MAPK8IP1: variants seen among roughly 807,000 people sequenced by gnomAD.
MAPK8IP1 encodes mitogen-activated protein kinase 8 interacting protein 1, also known as C-Jun-amino-terminal kinase-interacting protein 1.
In MAPK8IP1, 17 loss-of-function variants were observed where a neutral mutation model predicts 72.6. That is an observed-to-expected ratio of 0.23 (90% CI 0.16 to 0.35). MAPK8IP1 has a LOEUF of 0.35. MAPK8IP1 is among the 10% of genes least tolerant of loss of function. The pLI is 1.00. For synonymous variants in MAPK8IP1, 401 were observed against 443.4 expected, an observed-to-expected ratio of 0.90 and a Z score of 1.20; for missense variants, 789 against 1,009.7, an observed-to-expected ratio of 0.78 and a Z score of 2.96.
Position 45,885,872 on chromosome 11 carries a change from G to A in MAPK8IP1, c.52G>A (p.Ala18Thr). ...GLGGGAASPP[A>T]ASPFLGLHIA... is the part of the protein sequence containing the mutation. ...GGGAGGGGGGGCCGCGTCCCCGCCC[G>A]CCGCCTCCCCGTTCCTGGGGCTGCA... Residue 18 changes from alanine to threonine, a missense_variant, in exon 1 of 12, where the codon GCC (alanine) becomes ACC (threonine). This residue lies in a region of MAPK8IP1 where 112 missense variants were observed against 111.8 expected (regional missense o/e 1.00). Coordinates refer to ENST00000241014, the MANE Select transcript of MAPK8IP1 (RefSeq NM_005456.4). 1.4e-6 allele frequency: 2 copies of A among 1,456,656 alleles called. No homozygotes were observed. Among genetic ancestry groups the A allele is most frequent in the Admixed American group, 2.5e-5 (1 of 40,128 alleles). 90.2% of individuals were successfully genotyped at this position (1,456,656 alleles called of 1,614,324 possible).
rs780739097 is a variant in MAPK8IP1, at chr11:45,904,885, C to T, written c.1893+51C>T. The T allele has an allele frequency of 6.8e-6, 11 of 1,607,462 alleles. No homozygotes were observed. The highest frequency in any genetic ancestry group is 2.7e-5 in the African/African-American group (2 of 74,880). On this transcript the variant is annotated intron_variant, in intron 9 of 11. Coordinates refer to ENST00000241014, the MANE Select transcript of MAPK8IP1 (RefSeq NM_005456.4). The surrounding 1 kb of genome is among the most constrained non-coding windows in gnomAD (Gnocchi z 6.4). ...CCTTCCATGGCCCCAAGCTCTCCCCCAAGACTTGTGATGAAGAGGCCATCT... is the reference window on the plus strand; with the variant it reads ...CCTTCCATGGCCCCAAGCTCTCCCCTAAGACTTGTGATGAAGAGGCCATCT...
Position 45,902,686 on chromosome 11 carries a change from A to G in MAPK8IP1, c.919A>G (p.Met307Val). The change falls in exon 5 of 12, where the codon ATG becomes GTG. Residue 307 changes from methionine to valine, a missense_variant. Met to Val is a conservative substitution (Grantham distance 21, BLOSUM62 1). Transcript: ENST00000241014. The surrounding 1 kb of genome is among the most constrained non-coding windows in gnomAD (Gnocchi z 9.3). ...SAFLPPTESR[M>V]SVSSDPDPAA... ...CTTCCTGCCGCCCACTGAGAGCCGG[A>G]TGTCAGTCAGCTCCGATCCAGACCC... 2 of 1,611,222 alleles carry G rather than the reference A, an allele frequency of 1.2e-6. No homozygotes were observed. Among genetic ancestry groups the G allele is most frequent in the Non-Finnish European group, 1.7e-6 (2 of 1,179,878 alleles).
At position 45,902,755 on chromosome 11, in the gene MAPK8IP1, A is replaced by G. The variant is rs2086666448; in HGVS notation, c.988A>G (p.Ser330Gly). The part of the protein sequence containing the change: ...STAGRPHPSI[S>G]EEEEGFDCLS... Reference sequence around the variant, plus strand: ...GGCAGGGCGGCCGCACCCCTCCATCAGTGAAGAGGAAGAGGGCTTCGACTG... The same window carrying G: ...GGCAGGGCGGCCGCACCCCTCCATCGGTGAAGAGGAAGAGGGCTTCGACTG... Residue 330 changes from serine to glycine, a missense_variant, in exon 5 of 12, where the codon AGT (serine) becomes GGT (glycine). This residue lies in a region of MAPK8IP1 where 377 missense variants were observed against 411.7 expected (regional missense o/e 0.92). Coordinates refer to ENST00000241014, the MANE Select transcript of MAPK8IP1 (RefSeq NM_005456.4). The surrounding 1 kb of genome is among the most constrained non-coding windows in gnomAD (Gnocchi z 9.3). 1 of 1,602,866 alleles carries G rather than the reference A, an allele frequency of 6.2e-7. No homozygotes were observed. Among genetic ancestry groups the G allele is most frequent in the South Asian group, 1.1e-5 (1 of 90,534 alleles).
Position 45,904,270 on chromosome 11 carries a change from G to A in MAPK8IP1, c.1666+109G>A. 1.5e-6 allele frequency: 2 copies of A among 1,346,530 alleles called. No homozygotes were observed. The highest frequency in any genetic ancestry group is 2.1e-6 in the Non-Finnish European group (2 of 960,462). 83.4% of individuals were successfully genotyped at this position (1,346,530 alleles called of 1,614,324 possible). A position where few individuals can be genotyped will look rare whatever the true frequency, so the allele number is the denominator to read the frequency against. On this transcript the variant is annotated intron_variant, in intron 7 of 11. Coordinates refer to ENST00000241014, the MANE Select transcript of MAPK8IP1 (RefSeq NM_005456.4). This position sits in a 1 kb window ranked among gnomAD's most constrained non-coding sequence, Gnocchi z 6.4. ...CTCAGCCAGCCAGGTGGGGGGCTGA[G>A]TGGAAGTGATTTTAGGTCCTTTTCA...
chr11:45,897,201 C>T (rs187603382), intron 1 of MAPK8IP1, among the ~76,000 whole-genome samples: 101 of 151,952 alleles, frequency 6.6e-4, no homozygotes, highest in African/African-American at 2.4e-3. Context: ...TCTACCCCCC[C>T]ACCACCCCCC....
chr11:45,888,345 A>G (rs993374278), intron 1 of MAPK8IP1, among the ~76,000 whole-genome samples: 2 of 152,168 alleles, frequency 1.3e-5, no homozygotes, highest in East Asian at 1.9e-4. Context: ...AGAGTTTCCT[A>G]TGTGCAAGAG....
chr11:45,895,633 AATATAT>A (rs71038870), intron 1 of MAPK8IP1, among the ~76,000 whole-genome samples: 884 of 42,428 alleles, frequency 0.021, 34 homozygotes, highest in Middle Eastern at 0.083. Context: ...AAAAAAAAAA[AATATAT>A]ATATATATAT....
rs2086708988 is a variant in MAPK8IP1 at position 45,906,270 on chromosome 11, G to A, written c.*549G>A. On this transcript the variant is annotated 3_prime_UTR_variant, in exon 12 of 12. Transcript: ENST00000241014. ...CTGTTCTCAGCTCCGTCATCTGCGGGGCTTCTGGGTGGCTCCTGCCACTGA... is the reference window on the plus strand; with the variant it reads ...CTGTTCTCAGCTCCGTCATCTGCGGAGCTTCTGGGTGGCTCCTGCCACTGA... The A allele has an allele frequency of 2.8e-6, 1 of 351,918 alleles. No individual in the cohort carries two copies. The highest frequency in any genetic ancestry group is 2.1e-5 in the African/African-American group (1 of 47,834). 21.8% of individuals were successfully genotyped at this position (351,918 alleles called of 1,614,324 possible). A position where few individuals can be genotyped will look rare whatever the true frequency, so the allele number is the denominator to read the frequency against.
chr11:45,895,994 G>A (rs2086602418), intron 1 of MAPK8IP1, among the ~76,000 whole-genome samples: 2 of 152,164 alleles, frequency 1.3e-5, no homozygotes, highest in Admixed American at 6.5e-5. Context: ...CAGGTCAGAC[G>A]TGACCCTACA....
At chr11:45,893,547 G>A (rs2086581867) in intron 1 of MAPK8IP1, among the ~76,000 whole-genome samples, 1 of 152,192 alleles carries the variant, frequency 6.6e-6, no homozygotes, top group African/African-American at 2.4e-5. Flanking sequence ...GCCACCAAAC[G>A]TTAATATGGA....
rs548226200 is a variant in MAPK8IP1, at chr11:45,888,755, A to G, written c.101+2834A>G. On this transcript the variant is annotated intron_variant, in intron 1 of 11. Transcript: ENST00000241014. ...TCGCCCAGGCTGGAGGTTGGAGTGCAGTGGCATGATCTAAGCTCACTGCAA... is the reference window on the plus strand; with the variant it reads ...TCGCCCAGGCTGGAGGTTGGAGTGCGGTGGCATGATCTAAGCTCACTGCAA... 4.6e-5 allele frequency among the ~76,000 whole-genome samples: 7 copies of G among 151,896 alleles called. No individual in the cohort carries two copies. In the South Asian group the frequency reaches 1.5e-3, roughly 32 times the overall value.
chr11:45,893,127 A>G (rs1268022755), intron 1 of MAPK8IP1, among the ~76,000 whole-genome samples: 1 of 152,226 alleles, frequency 6.6e-6, no homozygotes, highest in African/African-American at 2.4e-5. Context: ...CAAGAATGAC[A>G]TCTGAACAGC....
At position 45,902,911 on chromosome 11, in the gene MAPK8IP1, A is replaced by G; in HGVS notation, c.1144A>G (p.Thr382Ala). ...CCTGTCCTATGACTCTGTCAAGTAC[A>G]CGCTGGTGGTAGATGAGCATGCACA... ...SALSYDSVKY[T>A]LVVDEHAQLE... The change falls in exon 5 of 12, where the codon ACG becomes GCG. Residue 382 changes from threonine (T) to alanine (A), a missense_variant. Thr to Ala is a moderately conservative substitution (Grantham distance 58). Around this residue, in one of 4 missense-constraint regions of MAPK8IP1, gnomAD observed 377 missense variants for 411.7 expected, o/e 0.92. Transcript: ENST00000241014. This position sits in a 1 kb window ranked among gnomAD's most constrained non-coding sequence, Gnocchi z 9.3. 1 of 1,609,494 alleles carries G rather than the reference A, an allele frequency of 6.2e-7. No individual in the cohort carries two copies. Among genetic ancestry groups the G allele is most frequent in the Non-Finnish European group, 8.5e-7 (1 of 1,178,450 alleles).
Position 45,904,577 on chromosome 11 carries a change from T to C in MAPK8IP1, c.1776+13T>C. 6.2e-7 allele frequency: 1 copy of C among 1,611,926 alleles called. No homozygotes were observed. Among genetic ancestry groups the C allele is most frequent in the Non-Finnish European group, 8.5e-7 (1 of 1,178,068 alleles). ...TGCTATGCAAAAGGTACCTGAGCCCTCTCCCTTCTCCTCCCTTGGATGGGT... is the reference window on the plus strand; with the variant it reads ...TGCTATGCAAAAGGTACCTGAGCCCCCTCCCTTCTCCTCCCTTGGATGGGT... On this transcript the variant is annotated intron_variant, in intron 8 of 11. Transcript: ENST00000241014. This position sits in a 1 kb window ranked among gnomAD's most constrained non-coding sequence, Gnocchi z 6.4.
At position 45,903,176 on chromosome 11, in the gene MAPK8IP1, G is replaced by T; in HGVS notation, c.1409G>T (p.Arg470Leu). 1 of 1,600,938 alleles carries T rather than the reference G, an allele frequency of 6.2e-7. No homozygotes were observed. Among genetic ancestry groups the T allele is most frequent in the Non-Finnish European group, 8.5e-7 (1 of 1,174,426 alleles). The change falls in exon 5 of 12, where the codon CGC becomes CTC. Residue 470 changes from arginine to leucine, a missense_variant. This residue lies in a region of MAPK8IP1 where 377 missense variants were observed against 411.7 expected (regional missense o/e 0.92). Coordinates refer to ENST00000241014, the MANE Select transcript of MAPK8IP1 (RefSeq NM_005456.4). This position sits in a 1 kb window ranked among gnomAD's most constrained non-coding sequence, Gnocchi z 6.4. The part of the protein sequence containing the change: ...FLNVFMSGRS[R>L]SSSAESFGLF... ...AACGTCTTCATGAGTGGCCGCTCCC[G>T]CTCCTCCAGTGAGTCAGCAAGGGGA...
Position 45,900,174 on chromosome 11 carries a change from G to C in MAPK8IP1, c.244G>C (p.Gly82Arg). ...RAGLLSAGGG[G>R]AGSRLQAEML... ...CGGGCTGCTCTCTGCGGGCGGCGGC[G>C]GCGCGGGGAGCCGGTTGCAGGCCGA... Residue 82 changes from glycine to arginine, a missense_variant, in exon 3 of 12, where the codon GGC (glycine) becomes CGC (arginine). By Grantham distance (125) the Gly-to-Arg change is moderately radical. This residue lies in a region of MAPK8IP1 where 112 missense variants were observed against 192.8 expected (regional missense o/e 0.58). Coordinates refer to ENST00000241014, the MANE Select transcript of MAPK8IP1 (RefSeq NM_005456.4). This position sits in a 1 kb window ranked among gnomAD's most constrained non-coding sequence, Gnocchi z 6.5. 7.6e-7 allele frequency: 1 copy of C among 1,312,108 alleles called. No homozygotes were observed. Among genetic ancestry groups the C allele is most frequent in the Non-Finnish European group, 9.6e-7 (1 of 1,037,684 alleles). The allele number at this position is 1,312,108 out of a possible 1,614,324, so 81.3% of individuals were successfully genotyped here. A position where few individuals can be genotyped will look rare whatever the true frequency, so the allele number is the denominator to read the frequency against.
rs1221371951 is a variant in MAPK8IP1, at chr11:45,906,022, G to A, written c.*301G>A. 2.2e-5 allele frequency: 12 copies of A among 538,146 alleles called. No homozygotes were observed. The highest frequency in any genetic ancestry group is 4.2e-5 in the South Asian group (2 of 47,578). The allele number at this position is 538,146 out of a possible 1,614,324, so 33.3% of individuals were successfully genotyped here. A position where few individuals can be genotyped will look rare whatever the true frequency, so the allele number is the denominator to read the frequency against. On this transcript the variant is annotated 3_prime_UTR_variant, in exon 12 of 12. Transcript: ENST00000241014. The stretch of plus-strand genomic sequence containing the variant: ...AAGGATGTCCGTTCCAGGAGCACAC[G>A]GCCCTGCCCCATCCTGGGCCTTACC...
intron 1 of MAPK8IP1, among the ~76,000 whole-genome samples, chr11:45,892,104 G>C (rs917087505): frequency 1.3e-5 from 2 of 152,258 alleles, no homozygotes; most frequent in African/African-American, 4.8e-5. Flanking sequence ...GATGACCTCC[G>C]TATGGAGGTG....
chr11:45,903,475 A>G lies in MAPK8IP1; in HGVS notation c.1493+35A>G. On this transcript the variant is annotated intron_variant, in intron 6 of 11. Transcript: ENST00000241014. The surrounding 1 kb of genome is among the most constrained non-coding windows in gnomAD (Gnocchi z 6.4). ...ATGGGCTGGCTGGGCCTAGCCAGGC[A>G]GCAGTTTGGGCCACACACCACCCTC... 1 of 1,580,946 alleles carries G rather than the reference A, an allele frequency of 6.3e-7. No individual in the cohort carries two copies. The highest frequency in any genetic ancestry group is 1.1e-5 in the South Asian group (1 of 88,090).
Sources: gnomAD v4.1 joint callset for allele counts (sites outside exome capture counted in the v4.1 genomes callset) on GRCh38, gnomAD v4.1.1 for gene constraint, gnomAD v4.1.1 regional missense constraint, Gnocchi (gnomAD v3.1) non-coding constraint, MANE v1.5 for transcripts, NCBI Gene and HGNC (gene_info 2026-07-23, HGNC 2026-07-21) for gene names.